The following ZNF236 variants were observed in gnomAD, a reference collection of about 807,000 sequenced individuals.
ZNF236 encodes zinc finger protein 236, also known as regulated by glucose.
A neutral mutation model predicts 191.2 loss-of-function variants in ZNF236; 50 were observed. That is an observed-to-expected ratio of 0.26 (90% CI 0.21 to 0.33). ZNF236 has a LOEUF of 0.33. Ranked by LOEUF, ZNF236 falls within the 10% of genes least tolerant of loss-of-function variation. The probability of loss-of-function intolerance (pLI) is 1.00; values close to 1 mark genes in which losing one functional copy is unlikely to be tolerated. For synonymous variants in ZNF236, 907 were observed against 928.8 expected, an observed-to-expected ratio of 0.98 and a Z score of 0.43; for missense variants, 1,754 against 2,374.5, an observed-to-expected ratio of 0.74 and a Z score of 5.43.
chr18:76,838,450 G>T (rs1206279160), intron 1 of ZNF236, among the ~76,000 whole-genome samples: 1 of 152,214 alleles, frequency 6.6e-6, no homozygotes, highest in Non-Finnish European at 1.5e-5. Context: ...AAATTTCAGG[G>T]ATTGCAGTCG....
At chr18:76,873,484 C>T (rs758060340) in intron 5 of ZNF236, among the ~76,000 whole-genome samples, 2 of 152,300 alleles carry the variant, frequency 1.3e-5, no homozygotes, top group African/African-American at 2.4e-5. Context: ...CCAGGAGTCA[C>T]GTAGGCCGGT....
intron 15 of ZNF236, among the ~76,000 whole-genome samples, 199 bp from the exon 16 acceptor site, chr18:76,910,461 G>A (rs964947949): frequency 6.6e-5 from 10 of 152,264 alleles, no homozygotes; most frequent in Middle Eastern, 3.4e-3. Context: ...TAAAGCCTCC[G>A]GTGCTGTAAT....
rs1975269820 is a variant in ZNF236 at position 76,834,660 on chromosome 18, ATTTC to A, written c.55+12001_55+12004del. On this transcript the variant is annotated intron_variant, in intron 1 of 30. Coordinates refer to ENST00000320610, the MANE Select transcript of ZNF236 (RefSeq NM_001306089.2). ...TGCACCCATTCAATGTAGAGGACAT[ATTTC>A]TTCCTGTAAACCCAGACTACTTTGC... The A allele has an allele frequency of 9.1e-6, 4 of 441,022 alleles. No individual in the cohort carries two copies. The Admixed American group carries it at 1.0e-4, about 11-fold the overall frequency. The allele number at this position is 441,022 out of a possible 1,614,324, so 27.3% of individuals were successfully genotyped here.
intron 3 of ZNF236, among the ~76,000 whole-genome samples, chr18:76,855,088 T>C (rs1253831405): frequency 2.0e-5 from 3 of 152,046 alleles, no homozygotes; most frequent in Non-Finnish European, 4.4e-5. Context: ...CATATCCAGC[T>C]AATTTTTATA....
intron 9 of ZNF236, among the ~76,000 whole-genome samples, chr18:76,883,110 C>T (rs1362764564): frequency 1.3e-5 from 2 of 152,108 alleles, no homozygotes; most frequent in Non-Finnish European, 2.9e-5. Flanking sequence ...CAGACCTTCA[C>T]CCGCATGTGC....
At chr18:76,883,190 C>T (rs1976947697) in intron 9 of ZNF236, among the ~76,000 whole-genome samples, 2 of 152,150 alleles carry the variant, frequency 1.3e-5, no homozygotes, top group South Asian at 2.1e-4. Flanking sequence ...AAGAAACCTT[C>T]CTGTACGGTA....
chr18:76,871,855 A>G (rs1231014050), intron 5 of ZNF236, 30 bp downstream of exon 5: 1 of 1,612,878 alleles, frequency 6.2e-7, no homozygotes, highest in African/African-American at 1.3e-5. Context: ...TGGATGACTG[A>G]CCGTGTGGCT....
intron 27 of ZNF236, among the ~76,000 whole-genome samples, chr18:76,955,341 C>G (rs920007729): frequency 1.3e-5 from 2 of 152,114 alleles, no homozygotes; most frequent in African/African-American, 4.8e-5. Context: ...TGCTTGAGCC[C>G]AGGAGTTTGA....
intron 10 of ZNF236, 26 bp downstream of exon 10, chr18:76,895,311 C>G (rs372978212): frequency 1.3e-6 from 2 of 1,593,620 alleles, no homozygotes; most frequent in Non-Finnish European, 1.7e-6. Flanking sequence ...TGGGCCCACA[C>G]GGGCACTGGC....
chr18:76,823,832 G>C (rs1418230038), intron 1 of ZNF236, among the ~76,000 whole-genome samples: 1 of 152,180 alleles, frequency 6.6e-6, no homozygotes, highest in Non-Finnish European at 1.5e-5. Flanking sequence ...GTGGGGTAGG[G>C]GGCGCCGCGC....
intron 6 of ZNF236, among the ~76,000 whole-genome samples, chr18:76,877,140 G>A (rs1976739531): frequency 6.6e-6 from 1 of 152,150 alleles, no homozygotes; most frequent in South Asian, 2.1e-4. Context: ...AATATTTTAG[G>A]TATTTTCTCT....
intron 20 of ZNF236, among the ~76,000 whole-genome samples, chr18:76,921,836 G>A (rs766677352): frequency 2.7e-5 from 4 of 149,272 alleles, no homozygotes; most frequent in Non-Finnish European, 4.4e-5. Context: ...CCGAGAACGG[G>A]ACGTTCTTAT....
chr18:76,852,385 A>G (rs748953712), intron 3 of ZNF236, among the ~76,000 whole-genome samples: 2 of 152,282 alleles, frequency 1.3e-5, no homozygotes, highest in Non-Finnish European at 2.9e-5. Flanking sequence ...CAGCTTATAC[A>G]CCAAAGTGAC....
At chr18:76,874,905 A>G (rs1976672561) in intron 5 of ZNF236, among the ~76,000 whole-genome samples, 1 of 152,220 alleles carries the variant, frequency 6.6e-6, no homozygotes, top group Non-Finnish European at 1.5e-5. Context: ...TCTACTGAGT[A>G]TTAGAAGAAC....
chr18:76,889,987 A>T (rs1404979534), intron 9 of ZNF236, among the ~76,000 whole-genome samples: 1 of 152,224 alleles, frequency 6.6e-6, no homozygotes, highest in African/African-American at 2.4e-5. Context: ...GTTTCATTTT[A>T]TGAATGTATC....
Position 76,907,556 on chromosome 18 carries a change from T to C in ZNF236, c.2298-764T>C, listed in dbSNP as rs191543896. 4.9e-3 allele frequency among the ~76,000 whole-genome samples: 748 copies of C among 152,354 alleles called. 6 individuals are homozygous for C. The highest frequency in any genetic ancestry group is 0.017 in the African/African-American group (715 of 41,590). On this transcript the variant is annotated intron_variant, in intron 13 of 30. Coordinates refer to ENST00000320610, the MANE Select transcript of ZNF236 (RefSeq NM_001306089.2). The stretch of plus-strand genomic sequence containing the variant: ...GTTGGCCAGGCTGGCCTTGAACTCC[T>C]GACCTCAGGTGATCCTCCAGCCTTG...
In ZNF236 at chr18:76,972,380, C is replaced by A. The variant is rs1428942453; in HGVS notation, c.*4041C>A. 6.6e-6 allele frequency among the ~76,000 whole-genome samples: 1 copy of A among 152,088 alleles called. No homozygotes were observed. Among genetic ancestry groups the A allele is most frequent in the Non-Finnish European group, 1.5e-5 (1 of 68,022 alleles). Reference sequence around the variant, plus strand: ...TGGCTGGCCCTCTCCGAACGGATTCCCCTCCTCAGACCCCCATGCACGGAT... The same window carrying A: ...TGGCTGGCCCTCTCCGAACGGATTCACCTCCTCAGACCCCCATGCACGGAT... On this transcript the variant is annotated 3_prime_UTR_variant, in exon 31 of 31. Coordinates refer to ENST00000320610, the MANE Select transcript of ZNF236 (RefSeq NM_001306089.2).
rs745904853 is a variant in ZNF236 at position 76,960,662 on chromosome 18, T to C, written c.5243-17T>C. ...TACTTTTCTTAGAGACATTGACATATGCCATTTTCTGTACAGGGGAGCGGC... is the reference window on the plus strand; with the variant it reads ...TACTTTTCTTAGAGACATTGACATACGCCATTTTCTGTACAGGGGAGCGGC... On this transcript the variant is annotated splice_polypyrimidine_tract_variant and intron_variant, in intron 29 of 30. Transcript: ENST00000320610. This position sits in a 1 kb window ranked among gnomAD's most constrained non-coding sequence, Gnocchi z 4.4. 2 of 1,614,146 alleles carry C rather than the reference T, an allele frequency of 1.2e-6. No individual in the cohort carries two copies. Among genetic ancestry groups the C allele is most frequent in the South Asian group, 1.1e-5 (1 of 91,090 alleles).
At chr18:76,853,975 A>G (rs944691292) in intron 3 of ZNF236, among the ~76,000 whole-genome samples, 17 of 151,766 alleles carry the variant, frequency 1.1e-4, no homozygotes, top group African/African-American at 4.1e-4. Context: ...ATGCTATTGC[A>G]CTCCAGCCTG....
Sources: allele counts gnomAD v4.1 joint callset (sites outside exome capture counted in the v4.1 genomes callset), GRCh38; gene constraint gnomAD v4.1.1; non-coding constraint Gnocchi (gnomAD v3.1); transcripts MANE v1.5; gene names NCBI Gene and HGNC (gene_info 2026-07-23, HGNC 2026-07-21).